The following CTNND2 variants were observed in gnomAD, a reference collection of about 807,000 sequenced individuals.
The protein encoded by CTNND2 is catenin delta-2.
CTNND2 carries 22 observed loss-of-function variants against 144.4 expected under a neutral mutation model. That is an observed-to-expected ratio of 0.15 (90% CI 0.11 to 0.22). The LOEUF (loss-of-function observed/expected upper bound fraction) is 0.22. CTNND2 is among the 10% of genes least tolerant of loss of function. The probability of loss-of-function intolerance (pLI) is 1.00; values close to 1 mark genes in which losing one functional copy is unlikely to be tolerated. For synonymous variants in CTNND2, 751 were observed against 695.6 expected (o/e 1.08, Z -1.25); for missense variants, 1,353 against 1,618.8 (o/e 0.84, Z 2.82).
intron 2 of CTNND2, among the ~76,000 whole-genome samples, chr5:11,713,833 T>G (rs1561721932): frequency 2.6e-5 from 4 of 152,056 alleles, no homozygotes; most frequent in Non-Finnish European, 5.9e-5. Context: ...AATAAATGGT[T>G]TGAAACATTC....
At chr5:11,109,406 A>AT (rs1752728842) in intron 14 of CTNND2, among the ~76,000 whole-genome samples, 2 of 151,976 alleles carry the variant, frequency 1.3e-5, no homozygotes. Flanking sequence ...AGTTTCTGAG[A>AT]TTTTTCTTAT....
In CTNND2 at chr5:11,798,846, G is replaced by T. The variant is rs570428926; in HGVS notation, c.38-66574C>A. Among the ~76,000 whole-genome samples, 44 of 152,242 alleles carry T rather than the reference G, an allele frequency of 2.9e-4. No individual in the cohort carries two copies. The South Asian group carries it at 8.7e-3, about 30-fold the overall frequency. ...TCAGGAAAAAAAAGTAACGTTTTGT[G>T]TTAAAACGTACTGTATACACTTTAT... On this transcript the variant is annotated intron_variant, in intron 1 of 21. Coordinates refer to ENST00000304623, the MANE Select transcript of CTNND2 (RefSeq NM_001332.4).
intron 1 of CTNND2, among the ~76,000 whole-genome samples, chr5:11,751,126 T>A (rs1788592015): frequency 6.6e-6 from 1 of 151,890 alleles, no homozygotes; most frequent in South Asian, 2.1e-4. Flanking sequence ...TAAAAGAGAT[T>A]TATCAGTGAA....
chr5:11,101,448 A>C (rs1751866659), intron 14 of CTNND2, among the ~76,000 whole-genome samples: 1 of 152,262 alleles, frequency 6.6e-6, no homozygotes, highest in African/African-American at 2.4e-5. Flanking sequence ...TCGAATGTGA[A>C]GATTCAAGAA....
chr5:11,129,176 T>TTTATATATAATATATATAATATATA (rs1561352890), intron 12 of CTNND2, among the ~76,000 whole-genome samples: 7 of 24,610 alleles, frequency 2.8e-4, no homozygotes, highest in Admixed American at 9.0e-4. Flanking sequence ...ATATTATATA[T>TTTATATATAATATATATAATATATA]TTTATATATA....
chr5:11,478,185 T>C (rs1173584238), intron 3 of CTNND2, among the ~76,000 whole-genome samples: 18 of 152,340 alleles, frequency 1.2e-4, no homozygotes, highest in Admixed American at 1.1e-3. Context: ...TTTTCTTCTA[T>C]TCTATGGGAG....
At chr5:11,098,466 T>A (rs1751574858) in intron 15 of CTNND2, 109 bp downstream of exon 15, 2 of 994,080 alleles carry the variant, frequency 2.0e-6, no homozygotes, top group East Asian at 2.6e-5. Flanking sequence ...TTCTCTAACA[T>A]CCTAGAAATC....
At chr5:11,601,023 G>A (rs73742873) in intron 2 of CTNND2, among the ~76,000 whole-genome samples, 6,953 of 152,004 alleles carry the variant, frequency 0.046, 529 homozygotes, top group African/African-American at 0.16. Flanking sequence ...AAAACAGCAA[G>A]GTTTTTTTTT....
chr5:11,500,370 T>A (rs1245333679), intron 3 of CTNND2, among the ~76,000 whole-genome samples: 1 of 152,076 alleles, frequency 6.6e-6, no homozygotes, highest in Non-Finnish European at 1.5e-5. Context: ...AAATAAATAA[T>A]CCCTTTCAGA....
chr5:11,718,443 C>G (rs77877327), intron 2 of CTNND2, among the ~76,000 whole-genome samples: 145 of 152,256 alleles, frequency 9.5e-4, no homozygotes, highest in Non-Finnish European at 1.7e-3. Flanking sequence ...AATAACTATT[C>G]TATGTGCTGA....
chr5:11,125,145 G>T, intron 12 of CTNND2, among the ~76,000 whole-genome samples: 1 of 152,184 alleles, frequency 6.6e-6, no homozygotes, highest in East Asian at 1.9e-4. Flanking sequence ...GGTGGGGAAG[G>T]AAGGGGTGTC....
At chr5:11,045,259 T>C (rs1407559529) in intron 16 of CTNND2, among the ~76,000 whole-genome samples, 2 of 152,110 alleles carry the variant, frequency 1.3e-5, no homozygotes, top group African/African-American at 2.4e-5. Flanking sequence ...ACATAAAGCA[T>C]GGTGCCAGCA....
intron 1 of CTNND2, among the ~76,000 whole-genome samples, chr5:11,742,773 A>T (rs1395405773): frequency 6.6e-6 from 1 of 152,222 alleles, no homozygotes; most frequent in Non-Finnish European, 1.5e-5. Context: ...GTGACATTTT[A>T]AAGACTCCTA....
At chr5:11,073,883 G>T (rs1484293785) in intron 16 of CTNND2, among the ~76,000 whole-genome samples, 2 of 152,258 alleles carry the variant, frequency 1.3e-5, no homozygotes, top group East Asian at 3.9e-4. Context: ...AAGAAATAAG[G>T]TTTCTTTTTA....
intron 9 of CTNND2, among the ~76,000 whole-genome samples, chr5:11,261,648 G>T (rs969590206): frequency 6.6e-6 from 1 of 152,244 alleles, no homozygotes; most frequent in African/African-American, 2.4e-5. Context: ...ACATCCTCGT[G>T]TCTCACCCAC....
chr5:11,393,428 T>C lies in CTNND2; in HGVS notation c.612+3603A>G, dbSNP rs61749812. On this transcript the variant is annotated intron_variant, in intron 6 of 21. Transcript: ENST00000304623. ...GATGTATATTTTTATATTTCTTGCA[T>C]AGTTTTTTTGTTTGAGGGACAAAAT... is the stretch of plus-strand genomic sequence containing the variant. Among the ~76,000 whole-genome samples the C allele has an allele frequency of 2.8e-3, 423 of 152,374 alleles. 3 individuals carry two copies. Among genetic ancestry groups the C allele is most frequent in the Non-Finnish European group, 4.9e-3 (330 of 68,038 alleles).
At chr5:11,256,321 T>C (rs1452899993) in intron 9 of CTNND2, among the ~76,000 whole-genome samples, 2 of 152,220 alleles carry the variant, frequency 1.3e-5, no homozygotes, top group Non-Finnish European at 2.9e-5. Flanking sequence ...AAATACTGTC[T>C]GGTTTTTGAC....
rs1454107945 is a variant in CTNND2, at chr5:10,994,159, A to ATAT, written c.3085-1485_3085-1483dup. ...AAACAATACACAAGTTACAAAAAAC[A>ATAT]TATTAATACTAACGTGGCATTCTAA... On this transcript the variant is annotated intron_variant, in intron 18 of 21. Coordinates refer to ENST00000304623, the MANE Select transcript of CTNND2 (RefSeq NM_001332.4). Among the ~76,000 whole-genome samples, 4 of 146,940 alleles carry ATAT rather than the reference A, an allele frequency of 2.7e-5. No individual in the cohort carries two copies. In the East Asian group the frequency reaches 7.9e-4, roughly 29 times the overall value.
At chr5:11,232,351 G>C (rs1421232502) in intron 10 of CTNND2, among the ~76,000 whole-genome samples, 1 of 152,246 alleles carries the variant, frequency 6.6e-6, no homozygotes, top group East Asian at 1.9e-4. Context: ...ACATCAGACT[G>C]TGAAAGCAGC....
Sources: allele counts gnomAD v4.1 joint callset (sites outside exome capture counted in the v4.1 genomes callset), GRCh38; gene constraint gnomAD v4.1.1; transcripts MANE v1.5; gene names NCBI Gene and HGNC (gene_info 2026-07-23, HGNC 2026-07-21).